Variants in AMBN observed in about 807,000 individuals in gnomAD.
The protein encoded by AMBN is ameloblastin.
In AMBN, 54 loss-of-function variants were observed where a neutral mutation model predicts 48.0. The observed-to-expected ratio is 1.12, with a 90% CI of 0.90 to 1.41. AMBN has a LOEUF of 1.41. AMBN is among the 40% of genes most tolerant of loss of function. AMBN has a pLI of 0.00. For synonymous variants in AMBN, 186 were observed against 190.0 expected (o/e 0.98, Z 0.17); for missense variants, 571 against 547.3 (o/e 1.04, Z -0.43).
At position 70,601,570 on chromosome 4, in the gene AMBN, C is replaced by T. The variant is rs142332144; in HGVS notation, c.447C>T (p.His149=). The change falls in exon 6 of 13, where the codon CAC becomes CAT. Residue 149 remains histidine (H), a synonymous_variant. Coordinates refer to ENST00000322937, the MANE Select transcript of AMBN (RefSeq NM_016519.6). ...ALKEALQPPI[H]LGHLPLQEGE... is the part of the protein sequence containing the mutation. ...AAGAAGCACTTCAGCCTCCAATTCA[C>T]CTGGGACATCTGCCCTTGCAGGAAG... 6.2e-7 allele frequency: 1 copy of T among 1,614,162 alleles called. No individual in the cohort carries two copies. The highest frequency in any genetic ancestry group is 1.1e-5 in the South Asian group (1 of 91,088).
intron 3 of AMBN, among the ~76,000 whole-genome samples, chr4:70,597,992 C>G (rs1426714111): frequency 6.6e-6 from 1 of 152,000 alleles, no homozygotes; most frequent in African/African-American, 2.4e-5. Context: ...TCTGGCTGAA[C>G]TTGTAAAGGG....
intron 2 of AMBN, among the ~76,000 whole-genome samples, chr4:70,594,869 A>G (rs1317071341): frequency 6.6e-6 from 1 of 152,208 alleles, no homozygotes; most frequent in African/African-American, 2.4e-5. Flanking sequence ...TTGCCTGTCA[A>G]ATCAGATGTT....
Position 70,601,475 on chromosome 4 carries a change from C to A in AMBN, c.352C>A (p.Pro118Thr), listed in dbSNP as rs1737519979. Residue 118 changes from proline to threonine, a missense_variant, in exon 6 of 13, where the codon CCT (proline) becomes ACT (threonine). By Grantham distance (38) the Pro-to-Thr change is conservative (BLOSUM62 -1). Transcript: ENST00000322937. ...PPLPSQPSLK[P>T]QQPGLKPFLQ... ...TCTCCCATCACAGCCATCCTTGAAG[C>A]CTCAACAGCCAGGACTGAAACCTTT... 3 of 1,614,210 alleles carry A rather than the reference C, an allele frequency of 1.9e-6. No homozygotes were observed. Among genetic ancestry groups the A allele is most frequent in the Non-Finnish European group, 2.5e-6 (3 of 1,180,012 alleles).
chr4:70,606,694 G>A lies in AMBN; in HGVS notation c.1308G>A (p.Glu436=). The A allele has an allele frequency of 6.2e-7, 1 of 1,613,916 alleles. No individual in the cohort carries two copies. Among genetic ancestry groups the A allele is most frequent in the Non-Finnish European group, 8.5e-7 (1 of 1,179,886 alleles). The change falls in exon 13 of 13, where the codon GAG becomes GAA. Residue 436 remains glutamate, a synonymous_variant. Coordinates refer to ENST00000322937, the MANE Select transcript of AMBN (RefSeq NM_016519.6). ...SMPGNKAQEP[E]MMHDAWHFQE... ...CAGGAAACAAAGCCCAGGAGCCCGA[G>A]ATGATGCATGACGCATGGCATTTCC...
intron 5 of AMBN, 96 bp downstream of exon 5, chr4:70,599,742 C>A: frequency 1.2e-6 from 1 of 807,964 alleles, no homozygotes; most frequent in Non-Finnish European, 1.8e-6. Flanking sequence ...ACAGCCAAGT[C>A]CTAGCATTAA....
rs749065689 is a variant in AMBN at position 70,601,465 on chromosome 4, A to G, written c.342A>G (p.Pro114=). 8 of 1,614,032 alleles carry G rather than the reference A, an allele frequency of 5.0e-6. No individual in the cohort carries two copies. Among genetic ancestry groups the G allele is most frequent in the Non-Finnish European group, 6.8e-6 (8 of 1,180,004 alleles). The part of the protein sequence containing the change: ...PVHPPPLPSQ[P]SLKPQQPGLK... ...ATCCCCCACCTCTCCCATCACAGCC[A>G]TCCTTGAAGCCTCAACAGCCAGGAC... is the stretch of plus-strand genomic sequence containing the variant. Residue 114 remains proline, a synonymous_variant, in exon 6 of 13, where the codon CCA becomes CCG. Coordinates refer to ENST00000322937, the MANE Select transcript of AMBN (RefSeq NM_016519.6).
chr4:70,603,975 C>A, intron 12 of AMBN, 54 bp downstream of exon 12: 1 of 1,554,862 alleles, frequency 6.4e-7, no homozygotes, highest in Non-Finnish European at 8.9e-7. Flanking sequence ...AGAACAGTCA[C>A]TTATGACTGG....
Position 70,606,395 on chromosome 4 carries a change from G to A in AMBN, c.1009G>A (p.Glu337Lys). 6.2e-7 allele frequency: 1 copy of A among 1,614,012 alleles called. No homozygotes were observed. Among genetic ancestry groups the A allele is most frequent in the Non-Finnish European group, 8.5e-7 (1 of 1,180,000 alleles). The change falls in exon 13 of 13, where the codon GAA becomes AAA. Residue 337 changes from glutamate (E) to lysine (K), a missense_variant. Physicochemically the swap from Glu to Lys is moderately conservative, Grantham distance 56 (BLOSUM62 1). Coordinates refer to ENST00000322937, the MANE Select transcript of AMBN (RefSeq NM_016519.6). ...GCCGGAGGCCAACCCAGACAATCTAGAAAACCCAGCTTTCCTTACAGAGCT... is the reference window on the plus strand; with the variant it reads ...GCCGGAGGCCAACCCAGACAATCTAAAAAACCCAGCTTTCCTTACAGAGCT... ...PMPEANPDNLENPAFLTELEP... is the reference protein window; with the variant it reads ...PMPEANPDNLKNPAFLTELEP...
At position 70,606,642 on chromosome 4, in the gene AMBN, C is replaced by A. The variant is rs1737662763; in HGVS notation, c.1256C>A (p.Ala419Asp). ...GAAGCAACCATGGATACCACGATGG[C>A]CCCAAACTCTCTGCAAACATCCATG... ...QEEATMDTTM[A>D]PNSLQTSMPG... The change falls in exon 13 of 13, where the codon GCC becomes GAC. Residue 419 changes from alanine (A) to aspartate (D), a missense_variant. Physicochemically the swap from Ala to Asp is moderately radical, Grantham distance 126. Transcript: ENST00000322937. 1.2e-6 allele frequency: 2 copies of A among 1,614,070 alleles called. No homozygotes were observed. The highest frequency in any genetic ancestry group is 4.5e-5 in the East Asian group (2 of 44,860).
At chr4:70,592,489 C>T in intron 1 of AMBN, 116 bp downstream of exon 1, 1 of 1,158,266 alleles carries the variant, frequency 8.6e-7, no homozygotes, top group South Asian at 1.3e-5. Context: ...TGAATTATTG[C>T]TTGTTGTAAT....
chr4:70,602,520 A>G, intron 6 of AMBN, 104 bp from the exon 7 acceptor site: 1 of 741,798 alleles, frequency 1.3e-6, no homozygotes, highest in South Asian at 2.6e-5. Context: ...TAAACAAGAT[A>G]AGGATGTGAT....
chr4:70,592,602 T>C (rs1278040698), intron 1 of AMBN, among the ~76,000 whole-genome samples: 1 of 152,060 alleles, frequency 6.6e-6, no homozygotes, highest in Non-Finnish European at 1.5e-5. Flanking sequence ...TTTTTGATTA[T>C]AGTGCCTAAT....
chr4:70,601,702 T>C (rs902592642), intron 6 of AMBN, 48 bp downstream of exon 6: 20 of 1,564,368 alleles, frequency 1.3e-5, no homozygotes, highest in African/African-American at 5.5e-5. Flanking sequence ...GCTAACCTAA[T>C]AGAAGAAAAC....
chr4:70,603,827 A>T (rs776928121), intron 11 of AMBN, 50 bp from the exon 12 acceptor site: 8 of 1,596,970 alleles, frequency 5.0e-6, no homozygotes, highest in Non-Finnish European at 8.6e-7. Context: ...TCTTGAGTAG[A>T]TAAGAAGGTA....
Position 70,599,658 on chromosome 4 carries a change from G to A in AMBN, c.294+12G>A. 6.4e-7 allele frequency: 1 copy of A among 1,574,082 alleles called. No homozygotes were observed. The highest frequency in any genetic ancestry group is 8.7e-7 in the Non-Finnish European group (1 of 1,149,750). ...ATGAAACTCAACAGGTGAGTGAATA[G>A]CATCAATATGTTTGAAACCTCAGGC... On this transcript the variant is annotated intron_variant, in intron 5 of 12. Coordinates refer to ENST00000322937, the MANE Select transcript of AMBN (RefSeq NM_016519.6).
chr4:70,600,072 C>A (rs1354878409), intron 5 of AMBN, among the ~76,000 whole-genome samples: 7 of 152,212 alleles, frequency 4.6e-5, no homozygotes, highest in Non-Finnish European at 1.0e-4. Context: ...TTTGGGAGGC[C>A]AAGGTGGGTG....
intron 3 of AMBN, among the ~76,000 whole-genome samples, chr4:70,597,464 G>A (rs541381310): frequency 9.0e-4 from 136 of 151,822 alleles, no homozygotes; most frequent in African/African-American, 3.1e-3. Flanking sequence ...TTATAAGTCT[G>A]GTAAATAACA....
At chr4:70,601,701 A>C in intron 6 of AMBN, 47 bp downstream of exon 6, 1 of 1,563,484 alleles carries the variant, frequency 6.4e-7, no homozygotes, top group Non-Finnish European at 8.7e-7. Flanking sequence ...AGCTAACCTA[A>C]TAGAAGAAAA....
chr4:70,595,985 C>G (rs1437902689), intron 2 of AMBN, among the ~76,000 whole-genome samples: 1 of 151,942 alleles, frequency 6.6e-6, no homozygotes, highest in Non-Finnish European at 1.5e-5. Flanking sequence ...GTGAGACCCC[C>G]ATCTCTATTT....
Sources: gnomAD v4.1 joint callset for allele counts (sites outside exome capture counted in the v4.1 genomes callset) on GRCh38, gnomAD v4.1.1 for gene constraint, MANE v1.5 for transcripts, NCBI Gene and HGNC (gene_info 2026-07-23, HGNC 2026-07-21) for gene names.